The following LDLRAD3 variants were observed in gnomAD, a reference collection of about 807,000 sequenced individuals.
LDLRAD3 encodes low-density lipoprotein receptor class A domain-containing protein 3.
A neutral mutation model predicts 29.4 loss-of-function variants in LDLRAD3; 20 were observed. The observed-to-expected ratio is 0.68, with a 90% CI of 0.48 to 0.99. The LOEUF (loss-of-function observed/expected upper bound fraction) is 0.99. LDLRAD3 is among the 50% of genes least tolerant of loss of function. The probability of loss-of-function intolerance (pLI) is 0.00; values close to 1 mark genes in which losing one functional copy is unlikely to be tolerated. For synonymous variants in LDLRAD3, 157 were observed against 192.7 expected (o/e 0.81, Z 1.53); for missense variants, 420 against 454.3 (o/e 0.92, Z 0.69).
intron 2 of LDLRAD3, among the ~76,000 whole-genome samples, chr11:36,071,457 A>C (rs542605208): frequency 4.5e-4 from 68 of 152,288 alleles, no homozygotes; most frequent in Middle Eastern, 3.4e-3. Context: ...CTGGCTGTGC[A>C]TTGTTTATTG....
intron 1 of LDLRAD3, among the ~76,000 whole-genome samples, chr11:35,969,210 C>T (rs1482107511): frequency 6.6e-6 from 1 of 152,200 alleles, no homozygotes; most frequent in Non-Finnish European, 1.5e-5. Flanking sequence ...ATGGAGGCTT[C>T]TCTGCTCACG....
At chr11:36,097,288 A>G (rs1853374697) in intron 3 of LDLRAD3, among the ~76,000 whole-genome samples, 1 of 152,206 alleles carries the variant, frequency 6.6e-6, no homozygotes, top group Non-Finnish European at 1.5e-5. Context: ...TGAGGAATTA[A>G]AAGGCTGATA....
At chr11:36,223,579 A>G (rs1453889233) in intron 4 of LDLRAD3, among the ~76,000 whole-genome samples, 2 of 152,004 alleles carry the variant, frequency 1.3e-5, no homozygotes, top group Non-Finnish European at 2.9e-5. Context: ...ATATGCAAAC[A>G]TTAGCTAGGT....
chr11:36,228,740 A>G (rs890182664), intron 5 of LDLRAD3, among the ~76,000 whole-genome samples: 6 of 152,240 alleles, frequency 3.9e-5, no homozygotes, highest in Non-Finnish European at 8.8e-5. Flanking sequence ...CCCAGTTCAT[A>G]GCCAGGAAGA....
chr11:36,139,791 G>A (rs965314646), intron 4 of LDLRAD3, among the ~76,000 whole-genome samples: 11 of 152,184 alleles, frequency 7.2e-5, no homozygotes, highest in Non-Finnish European at 1.5e-5. Flanking sequence ...GATAGCGTGG[G>A]AGTGCCCTTT....
intron 1 of LDLRAD3, among the ~76,000 whole-genome samples, chr11:36,015,963 C>G (rs993751513): frequency 6.6e-6 from 1 of 152,154 alleles, no homozygotes; most frequent in Non-Finnish European, 1.5e-5. Context: ...CCTGGAAGAC[C>G]CAGTAGCATG....
At chr11:36,211,953 T>C (rs1855288808) in intron 4 of LDLRAD3, among the ~76,000 whole-genome samples, 1 of 152,198 alleles carries the variant, frequency 6.6e-6, no homozygotes, top group African/African-American at 2.4e-5. Flanking sequence ...CAAGCCTTAT[T>C]ACTGGACCAG....
chr11:36,152,960 T>C (rs973475081), intron 4 of LDLRAD3, among the ~76,000 whole-genome samples: 1 of 152,094 alleles, frequency 6.6e-6, no homozygotes, highest in Non-Finnish European at 1.5e-5. Flanking sequence ...AATCAAGCAG[T>C]CTCCTTTCTT....
intron 4 of LDLRAD3, among the ~76,000 whole-genome samples, chr11:36,176,310 G>T (rs1424013338): frequency 6.6e-6 from 1 of 152,142 alleles, no homozygotes; most frequent in Admixed American, 6.5e-5. Context: ...TTCAATGTTA[G>T]TATTGAGATG....
chr11:36,094,463 A>G (rs1853329086), intron 3 of LDLRAD3, among the ~76,000 whole-genome samples: 1 of 152,258 alleles, frequency 6.6e-6, no homozygotes, highest in Non-Finnish European at 1.5e-5. Context: ...TGATAGGAAC[A>G]GTTAGCCAGC....
chr11:35,973,750 C>T (rs546910398), intron 1 of LDLRAD3, among the ~76,000 whole-genome samples: 5 of 152,090 alleles, frequency 3.3e-5, no homozygotes, highest in African/African-American at 1.2e-4. Flanking sequence ...GGATTACAGG[C>T]GTGAGTCACC....
intron 2 of LDLRAD3, among the ~76,000 whole-genome samples, chr11:36,066,603 A>G (rs1852798176): frequency 6.6e-6 from 1 of 152,192 alleles, no homozygotes; most frequent in Non-Finnish European, 1.5e-5. Flanking sequence ...CCTTTACATT[A>G]TAATTTCCTA....
intron 1 of LDLRAD3, among the ~76,000 whole-genome samples, chr11:35,987,520 C>T (rs1851629921): frequency 6.6e-6 from 1 of 152,224 alleles, no homozygotes; most frequent in South Asian, 2.1e-4. Flanking sequence ...ATTTGGTTTT[C>T]TGTTCCTGCA....
At chr11:36,116,859 T>G (rs1853682141) in intron 4 of LDLRAD3, among the ~76,000 whole-genome samples, 1 of 123,078 alleles carries the variant, frequency 8.1e-6, no homozygotes, top group Non-Finnish European at 1.8e-5. Flanking sequence ...TTTTTTTTTT[T>G]GAGATAGAGT....
chr11:35,966,580 C>T (rs573553455), intron 1 of LDLRAD3, among the ~76,000 whole-genome samples: 25 of 152,230 alleles, frequency 1.6e-4, no homozygotes, highest in Admixed American at 2.6e-4. Context: ...CCAGTCAGAA[C>T]GTGGCCACAA....
At chr11:35,961,109 T>C (rs1755748093) in intron 1 of LDLRAD3, among the ~76,000 whole-genome samples, 1 of 152,208 alleles carries the variant, frequency 6.6e-6, no homozygotes, top group Non-Finnish European at 1.5e-5. Flanking sequence ...TAAGGTCTCA[T>C]TCTGCTGGAG....
intron 1 of LDLRAD3, among the ~76,000 whole-genome samples, chr11:35,946,415 T>G (rs1198251548): frequency 6.6e-6 from 1 of 152,272 alleles, no homozygotes; most frequent in Non-Finnish European, 1.5e-5. Context: ...AAGAGCAGTT[T>G]GGAGGCCTTT....
intron 4 of LDLRAD3, among the ~76,000 whole-genome samples, chr11:36,153,110 G>A (rs906372407): frequency 3.9e-5 from 6 of 151,986 alleles, no homozygotes; most frequent in Non-Finnish European, 5.9e-5. Context: ...CTCCAACAAA[G>A]GGGTTAGTAA....
intron 4 of LDLRAD3, among the ~76,000 whole-genome samples, chr11:36,119,750 C>T (rs185978766): frequency 4.6e-5 from 7 of 152,220 alleles, no homozygotes; most frequent in Admixed American, 1.3e-4. Context: ...ATCAGATACA[C>T]GATTTGCAAA....
Sources: gnomAD v4.1 joint callset for allele counts (sites outside exome capture counted in the v4.1 genomes callset) on GRCh38, gnomAD v4.1.1 for gene constraint, MANE v1.5 for transcripts, NCBI Gene and HGNC (gene_info 2026-07-23, HGNC 2026-07-21) for gene names.